The following STARD9 variants were observed in gnomAD, a reference collection of about 807,000 sequenced individuals.
STARD9 encodes StAR related lipid transfer domain containing 9, also known as stAR-related lipid transfer protein 9.
In STARD9, 346 loss-of-function variants were observed where a neutral mutation model predicts 399.8. The ratio of observed to expected loss-of-function variants is 0.87; its 90% CI spans 0.79 to 0.95. The LOEUF (loss-of-function observed/expected upper bound fraction) is 0.95. Among genes scored for constraint, STARD9 ranks in the 40% least tolerant of loss-of-function variants. STARD9 has a pLI of 0.00. For missense variants in STARD9, 5,832 were observed against 5,667.5 expected (o/e 1.03, Z -0.93); for synonymous variants, 2,203 against 2,143.5 (o/e 1.03, Z -0.77).
At position 42,674,939 on chromosome 15, in the gene STARD9, C is replaced by T. The variant is rs1279658087; in HGVS notation, c.1662C>T (p.Val554=). The change falls in exon 18 of 33, where the codon GTC becomes GTT. Residue 554 remains valine (V), a synonymous_variant. Coordinates refer to ENST00000290607, the MANE Select transcript of STARD9 (RefSeq NM_020759.3). ...GCTGTACAGTCAATGGCCGGGAGGT[C>T]ACTGCCTCCTGCCGTCTGACTCAAG... ...GARCTVNGRE[V]TASCRLTQGA... is the part of the protein sequence containing the mutation. The T allele has an allele frequency of 2.6e-6, 4 of 1,536,088 alleles. No homozygotes were observed. The highest frequency in any genetic ancestry group is 1.7e-6 in the Non-Finnish European group (2 of 1,146,488).
In STARD9 at chr15:42,693,692, C is replaced by T. The variant is rs1395140653; in HGVS notation, c.12114C>T (p.Ser4038=). 1.3e-6 allele frequency: 2 copies of T among 1,537,006 alleles called. No individual in the cohort carries two copies. Among genetic ancestry groups the T allele is most frequent in the African/African-American group, 2.7e-5 (2 of 73,044 alleles). ...GNSFVPEKVA[S]PEHCPLSGRE... ...GCTTTGTGCCTGAGAAGGTGGCTTC[C>T]CCGGAGCATTGCCCACTGAGCGGTA... is the stretch of plus-strand genomic sequence containing the variant. Residue 4038 remains serine (S), a synonymous_variant, in exon 23 of 33, where the codon TCC becomes TCT. Coordinates refer to ENST00000290607, the MANE Select transcript of STARD9 (RefSeq NM_020759.3).
chr15:42,617,610 T>C (rs1297238407), intron 3 of STARD9, among the ~76,000 whole-genome samples: 1 of 152,210 alleles, frequency 6.6e-6, no homozygotes, highest in East Asian at 1.9e-4. Flanking sequence ...GTATGCTAAC[T>C]TGTGCTTTCA....
Position 42,581,863 on chromosome 15 carries a change from A to G in STARD9, c.48-1483A>G, listed in dbSNP as rs191659987. On this transcript the variant is annotated intron_variant, in intron 1 of 32. Transcript: ENST00000290607. The stretch of plus-strand genomic sequence containing the variant: ...TGGCTGTCTGGTTTTTAAACGTTTT[A>G]CAAGGGGCCAGGCAGTGTGGCTTAT... Among the ~76,000 whole-genome samples the G allele has an allele frequency of 2.8e-3, 427 of 152,282 alleles. 5 individuals carry two copies. The highest frequency in any genetic ancestry group is 1.0e-3 in the South Asian group (5 of 4,826).
rs1389679743 is a variant in STARD9 at position 42,686,197 on chromosome 15, G to A, written c.4619G>A (p.Ser1540Asn). ...TLLPVGPRVS[S>N]NLNLNNFPVH... The stretch of plus-strand genomic sequence containing the variant: ...TTGCCAGTTGGCCCTAGGGTATCTA[G>A]CAATCTGAATCTCAACAACTTTCCA... Residue 1540 changes from serine (S) to asparagine (N), a missense_variant, in exon 23 of 33, where the codon AGC becomes AAC. By Grantham distance (46) the Ser-to-Asn change is conservative (BLOSUM62 1). Coordinates refer to ENST00000290607, the MANE Select transcript of STARD9 (RefSeq NM_020759.3). 2.6e-6 allele frequency: 4 copies of A among 1,537,606 alleles called. No individual in the cohort carries two copies. In the South Asian group the frequency reaches 3.6e-5, roughly 14 times the overall value.
rs2058257889 is a variant in STARD9 at position 42,585,542 on chromosome 15, T to C, written c.139T>C (p.Phe47Leu). The C allele has an allele frequency of 6.5e-7, 1 of 1,537,102 alleles. No individual in the cohort carries two copies. Among genetic ancestry groups the C allele is most frequent in the South Asian group, 1.2e-5 (1 of 84,056 alleles). ...TTAGGTGGACAATCGACCAGATGGC[T>C]TTGGGGACTCCCGGGAGAAGGTTAT... ...NLKVDNRPDG[F>L]GDSREKVMAF... Residue 47 changes from phenylalanine to leucine, a missense_variant, in exon 3 of 33, where the codon TTT (phenylalanine) becomes CTT (leucine). Transcript: ENST00000290607.
At chr15:42,636,119 A>G (rs1425522985) in intron 4 of STARD9, among the ~76,000 whole-genome samples, 3 of 152,154 alleles carry the variant, frequency 2.0e-5, no homozygotes, top group African/African-American at 7.2e-5. Flanking sequence ...CAACATAGGG[A>G]GACTCCATCT....
At chr15:42,626,324 C>CTCCTCT (rs1439628043) in intron 3 of STARD9, among the ~76,000 whole-genome samples, 4 of 127,022 alleles carry the variant, frequency 3.1e-5, no homozygotes, top group Middle Eastern at 7.6e-3. Context: ...CCTCTTCTTC[C>CTCCTCT]TCCTCTTCCT....
In STARD9 at chr15:42,688,211, A is replaced by T. The variant is rs1595776688; in HGVS notation, c.6633A>T (p.Pro2211=). ...QRMKALARAL[P]LQPRLERSSK... Reference sequence around the variant, plus strand: ...TGAAAGCATTGGCTAGAGCTCTGCCATTGCAACCCAGGCTAGAGAGGTCTT... The same window carrying T: ...TGAAAGCATTGGCTAGAGCTCTGCCTTTGCAACCCAGGCTAGAGAGGTCTT... The change falls in exon 23 of 33, where the codon CCA becomes CCT. Residue 2211 remains proline (P), a synonymous_variant. Coordinates refer to ENST00000290607, the MANE Select transcript of STARD9 (RefSeq NM_020759.3). 3 of 1,537,454 alleles carry T rather than the reference A, an allele frequency of 2.0e-6. No individual in the cohort carries two copies. Among genetic ancestry groups the T allele is most frequent in the South Asian group, 1.2e-5 (1 of 84,056 alleles).
At chr15:42,613,219 T>A (rs1370025709) in intron 3 of STARD9, among the ~76,000 whole-genome samples, 1 of 152,024 alleles carries the variant, frequency 6.6e-6, no homozygotes, top group African/African-American at 2.4e-5. Flanking sequence ...TTTCTTTCCT[T>A]TTTTTGTTTT....
chr15:42,644,734 C>T (rs1165969720), intron 7 of STARD9, among the ~76,000 whole-genome samples: 6 of 152,178 alleles, frequency 3.9e-5, no homozygotes, highest in African/African-American at 1.4e-4. Context: ...AAAAATTTTT[C>T]TGTAGTGTGA....
chr15:42,615,445 A>G (rs943719835), intron 3 of STARD9, among the ~76,000 whole-genome samples: 11 of 152,296 alleles, frequency 7.2e-5, no homozygotes, highest in Non-Finnish European at 1.2e-4. Flanking sequence ...AAGAATTTCC[A>G]TGAAATGGTA....
intron 26 of STARD9, 52 bp from the exon 27 acceptor site, chr15:42,716,625 A>G (rs2140418973): frequency 7.8e-6 from 9 of 1,156,840 alleles, no homozygotes; most frequent in Middle Eastern, 1.9e-4. Flanking sequence ...GGCAGAGGAG[A>G]TAATTCTGTG....
chr15:42,605,894 A>G (rs1028646158), intron 3 of STARD9, among the ~76,000 whole-genome samples: 3 of 152,166 alleles, frequency 2.0e-5, no homozygotes, highest in Non-Finnish European at 4.4e-5. Flanking sequence ...TTAAAGCACA[A>G]ACATGTCGTG....
At chr15:42,595,434 T>C (rs1462811443) in intron 3 of STARD9, among the ~76,000 whole-genome samples, 1 of 152,204 alleles carries the variant, frequency 6.6e-6, no homozygotes, top group Non-Finnish European at 1.5e-5. Context: ...TTTCCAGTGC[T>C]GCACATCTTC....
chr15:42,617,165 A>G (rs76471889), intron 3 of STARD9, among the ~76,000 whole-genome samples: 2,664 of 152,304 alleles, frequency 0.017, 82 homozygotes, highest in African/African-American at 0.062. Flanking sequence ...GCTTTAGTAC[A>G]TGCTTTACAA....
chr15:42,583,349 G>T lies in STARD9; in HGVS notation c.51G>T (p.Glu17Asp). Residue 17 changes from glutamate to aspartate, a missense_variant, in exon 2 of 33, where the codon GAG (glutamate) becomes GAT (aspartate). Coordinates refer to ENST00000290607, the MANE Select transcript of STARD9 (RefSeq NM_020759.3). ...TGAGCTTGGGTCTTGTTTCTAGGGAGACCAAAGAAGGGGGAAGAATTATTG... is the reference window on the plus strand; with the variant it reads ...TGAGCTTGGGTCTTGTTTCTAGGGATACCAAAGAAGGGGGAAGAATTATTG... The part of the protein sequence containing the change: ...AVRVRPLSKR[E>D]TKEGGRIIVE... The T allele has an allele frequency of 1.3e-6, 2 of 1,536,520 alleles. No individual in the cohort carries two copies. Among genetic ancestry groups the T allele is most frequent in the South Asian group, 1.2e-5 (1 of 84,012 alleles).
At chr15:42,592,447 C>CT (rs1476969307) in intron 3 of STARD9, among the ~76,000 whole-genome samples, 2 of 151,344 alleles carry the variant, frequency 1.3e-5, no homozygotes, top group Non-Finnish European at 2.9e-5. Flanking sequence ...TTTCTTTTTT[C>CT]TTTTTTTTAT....
chr15:42,665,119 A>G (rs2060068842), intron 13 of STARD9, 134 bp from the exon 14 acceptor site: 2 of 675,196 alleles, frequency 3.0e-6, no homozygotes, highest in Non-Finnish European at 2.5e-6. Flanking sequence ...TCCTGGGACC[A>G]CAACTTGAGA....
chr15:42,642,213 C>G (rs886532661), intron 7 of STARD9, among the ~76,000 whole-genome samples: 1 of 152,124 alleles, frequency 6.6e-6, no homozygotes, highest in Admixed American at 6.6e-5. Context: ...TTCCAGGTGC[C>G]ATGGGAAATA....
Sources: gnomAD v4.1 joint callset for allele counts (sites outside exome capture counted in the v4.1 genomes callset) on GRCh38, gnomAD v4.1.1 for gene constraint, MANE v1.5 for transcripts, NCBI Gene and HGNC (gene_info 2026-07-23, HGNC 2026-07-21) for gene names.